Variants in MAP7D1 observed in about 807,000 individuals in gnomAD.
MAP7D1 encodes the protein MAP7 domain-containing protein 1.
A neutral mutation model predicts 97.5 loss-of-function variants in MAP7D1; 30 were observed. The observed-to-expected ratio is 0.31, with a 90% confidence interval of 0.23 to 0.42. The LOEUF (loss-of-function observed/expected upper bound fraction) is 0.42, where lower values mean the gene tolerates loss of function less well. Among genes scored for constraint, MAP7D1 ranks in the 10% least tolerant of loss-of-function variants. The pLI is 1.00. For missense variants in MAP7D1, 1,184 were observed against 1,179.5 expected (o/e 1.00, Z -0.06); for synonymous variants, 536 against 477.1 (o/e 1.12, Z -1.61).
At chr1:36,175,651 C>G (rs943230387) in intron 6 of MAP7D1, among the ~76,000 whole-genome samples, 2 of 152,192 alleles carry the variant, frequency 1.3e-5, no homozygotes, top group Non-Finnish European at 2.9e-5. Context: ...AGCTGCTGTA[C>G]CAACCCCACC....
At position 36,179,986 on chromosome 1, in the gene MAP7D1, C is replaced by G. The variant is rs1336578876; in HGVS notation, c.2431C>G (p.Arg811Gly). ...NGPSGDKSLSRTPETLLPFAE... is the reference protein window; with the variant it reads ...NGPSGDKSLSGTPETLLPFAE... ...ACCCTCTGGGGACAAGAGTCTGAGC[C>G]GAACACCAGAGACACTCCTGCCCTT... is the stretch of plus-strand genomic sequence containing the variant. Residue 811 changes from arginine (R) to glycine (G), a missense_variant, in exon 16 of 17, where the codon CGA becomes GGA. Transcript: ENST00000474796. 1 of 1,614,080 alleles carries G rather than the reference C, an allele frequency of 6.2e-7. No homozygotes were observed. Among genetic ancestry groups the G allele is most frequent in the East Asian group, 2.2e-5 (1 of 44,900 alleles).
rs1644702263 is a variant in MAP7D1, at chr1:36,180,498, A to G, written c.*240A>G. ...GACATCCCTTCTCCCCCATACACAC[A>G]TATACACTCACAGCCTCTCTGGCCT... On this transcript the variant is annotated 3_prime_UTR_variant, in exon 17 of 17. Coordinates refer to ENST00000474796, the MANE Select transcript of MAP7D1 (RefSeq NM_001388490.1). 5.2e-6 allele frequency: 3 copies of G among 581,744 alleles called. No individual in the cohort carries two copies. The Admixed American group carries it at 9.0e-5, about 17-fold the overall frequency. The allele number at this position is 581,744 out of a possible 1,614,324, so 36.0% of individuals were successfully genotyped here. A position where few individuals can be genotyped will look rare whatever the true frequency, so the allele number is the denominator to read the frequency against.
Position 36,159,035 on chromosome 1 carries a change from GTTATTTATTTAT to G in MAP7D1, c.46+2599_46+2610del, listed in dbSNP as rs34482844. On this transcript the variant is annotated intron_variant, in intron 1 of 16. Transcript: ENST00000474796. The surrounding 1 kb of genome is among the most constrained non-coding windows in gnomAD (Gnocchi z 5.4). ...AGTGCCCAATAAGTGCTAGCCATTTGTTATTTATTTATTTATTTATTTATTTATTTATTTATT... is the reference window on the plus strand; with the variant it reads ...AGTGCCCAATAAGTGCTAGCCATTTGTTATTTATTTATTTATTTATTTATT... Among the ~76,000 whole-genome samples the G allele has an allele frequency of 5.1e-4, 74 of 145,994 alleles. 1 individual carries two copies. The Middle Eastern group carries it at 0.017, about 34-fold the overall frequency.
At chr1:36,170,143 A>G (rs1196292855) in intron 1 of MAP7D1, among the ~76,000 whole-genome samples, 1 of 152,178 alleles carries the variant, frequency 6.6e-6, no homozygotes, top group African/African-American at 2.4e-5. Flanking sequence ...CTCTCTTCCC[A>G]TCTTCCTCAT....
In MAP7D1 at chr1:36,178,458, C is replaced by T; in HGVS notation, c.1748C>T (p.Pro583Leu). The change falls in exon 10 of 17, where the codon CCG (proline) becomes CTG (leucine). Residue 583 changes from proline to leucine, a missense_variant. By Grantham distance (98) the Pro-to-Leu change is moderately conservative. Coordinates refer to ENST00000474796, the MANE Select transcript of MAP7D1 (RefSeq NM_001388490.1). ...VLTSPPAPAP[P>L]VTPSKPMAGT... ...ACCTCACCCCCAGCCCCTGCTCCCCCGGTGACCCCTAGCAAACCAATGGCC... is the reference window on the plus strand; with the variant it reads ...ACCTCACCCCCAGCCCCTGCTCCCCTGGTGACCCCTAGCAAACCAATGGCC... 1.2e-6 allele frequency: 2 copies of T among 1,611,640 alleles called. No homozygotes were observed. Among genetic ancestry groups the T allele is most frequent in the Non-Finnish European group, 1.7e-6 (2 of 1,179,510 alleles).
rs12566400 is a variant in MAP7D1, at chr1:36,163,065, G to A, written c.46+6602G>A. 0.014 allele frequency among the ~76,000 whole-genome samples: 2,170 copies of A among 152,210 alleles called. 108 individuals are homozygous for A. The East Asian group carries it at 0.17, about 12-fold the overall frequency. The stretch of plus-strand genomic sequence containing the variant: ...ACAAGAGTTGTTGGGGTGGGAGGAG[G>A]GAGAGACAAAAGGAAAGGACTGCCA... On this transcript the variant is annotated intron_variant, in intron 1 of 16. Transcript: ENST00000474796.
intron 1 of MAP7D1, among the ~76,000 whole-genome samples, chr1:36,158,693 C>T (rs1266439594): frequency 6.6e-6 from 1 of 152,158 alleles, no homozygotes; most frequent in Non-Finnish European, 1.5e-5. Flanking sequence ...ACACCAGACA[C>T]CTGCAATAAA....
chr1:36,161,639 G>A (rs150675125), intron 1 of MAP7D1, among the ~76,000 whole-genome samples: 66 of 152,264 alleles, frequency 4.3e-4, no homozygotes, highest in African/African-American at 1.3e-3. Context: ...CCTGTTAATC[G>A]GACTTTCTCT....
chr1:36,175,108 C>A, intron 6 of MAP7D1, 100 bp downstream of exon 6: 1 of 710,302 alleles, frequency 1.4e-6, no homozygotes, highest in Non-Finnish European at 2.2e-6. Context: ...GGAGCCCTCA[C>A]ATACTCCAGG....
intron 1 of MAP7D1, among the ~76,000 whole-genome samples, chr1:36,168,249 C>T (rs1223638287): frequency 2.0e-5 from 3 of 150,436 alleles, no homozygotes; most frequent in Non-Finnish European, 2.9e-5. Flanking sequence ...GAGCCGAGAT[C>T]GCACCACTGC....
At chr1:36,171,934 CAAAAA>C (rs10631607) in intron 3 of MAP7D1, 2 of 62,894 alleles carry the variant, frequency 3.2e-5, no homozygotes, top group Admixed American at 2.3e-4. Flanking sequence ...AACTCCGTCT[CAAAAA>C]AAAAAAAAAA....
Position 36,179,029 on chromosome 1 carries a change from T to TGCGGACCTGGGCGGGGATTTGTGG in MAP7D1, c.2130+9_2130+32dup. ...AGAGCGGCAAGAGCGCAGAAAGGTG[T>TGCGGACCTGGGCGGGGATTTGTGG]GCGGACCTGGGCGGGGATTTGTGGG... On this transcript the variant is annotated splice_donor_region_variant and intron_variant, in intron 12 of 16. Coordinates refer to ENST00000474796, the MANE Select transcript of MAP7D1 (RefSeq NM_001388490.1). The TGCGGACCTGGGCGGGGATTTGTGG allele has an allele frequency of 7.7e-7, 1 of 1,297,304 alleles. No homozygotes were observed. Among genetic ancestry groups the TGCGGACCTGGGCGGGGATTTGTGG allele is most frequent in the Non-Finnish European group, 1.0e-6 (1 of 985,468 alleles). The allele number at this position is 1,297,304 out of a possible 1,614,324, so 80.4% of individuals were successfully genotyped here. A position where few individuals can be genotyped will look rare whatever the true frequency, so the allele number is the denominator to read the frequency against.
Position 36,156,409 on chromosome 1 carries a change from G to A in MAP7D1, c.-9G>A. The A allele has an allele frequency of 1.3e-6, 2 of 1,486,224 alleles. No homozygotes were observed. Among genetic ancestry groups the A allele is most frequent in the African/African-American group, 1.5e-5 (1 of 68,486 alleles). 92.1% of individuals were successfully genotyped at this position (1,486,224 alleles called of 1,614,324 possible). ...CTGAGACCCCGAGACCCCCAGTGAC[G>A]CCGCAGCCATGGAGAGCGGCCCGCG... On this transcript the variant is annotated 5_prime_UTR_variant, in exon 1 of 17. Coordinates refer to ENST00000474796, the MANE Select transcript of MAP7D1 (RefSeq NM_001388490.1).
In MAP7D1 at chr1:36,159,381, T is replaced by C. The variant is rs930076076; in HGVS notation, c.46+2918T>C. 6.6e-6 allele frequency among the ~76,000 whole-genome samples: 1 copy of C among 152,200 alleles called. No homozygotes were observed. The highest frequency in any genetic ancestry group is 2.4e-5 in the African/African-American group (1 of 41,434). On this transcript the variant is annotated intron_variant, in intron 1 of 16. Transcript: ENST00000474796. This position sits in a 1 kb window ranked among gnomAD's most constrained non-coding sequence, Gnocchi z 5.4. ...TAGCTATTTGTTTTTTGTCATTATT[T>C]TTAATTCCGTCAGAAGCCTGAGATG...
Position 36,179,333 on chromosome 1 carries a change from G to A in MAP7D1, c.2184+18G>A. ...AAACCAAGGTCAGAATTCCCCCGAA[G>A]GGCAGTGCTGGGCGTGGGGGGCAGG... is the stretch of plus-strand genomic sequence containing the variant. On this transcript the variant is annotated intron_variant, in intron 13 of 16. Coordinates refer to ENST00000474796, the MANE Select transcript of MAP7D1 (RefSeq NM_001388490.1). 1 of 1,613,872 alleles carries A rather than the reference G, an allele frequency of 6.2e-7. No individual in the cohort carries two copies. Among genetic ancestry groups the A allele is most frequent in the Non-Finnish European group, 8.5e-7 (1 of 1,179,862 alleles).
At chr1:36,173,267 T>G in intron 4 of MAP7D1, 97 bp from the exon 5 acceptor site, 1 of 834,284 alleles carries the variant, frequency 1.2e-6, no homozygotes, top group Non-Finnish European at 2.0e-6. Context: ...GGGAAGGGAG[T>G]GGGGGAGGCA....
rs773554513 is a variant in MAP7D1, at chr1:36,171,228, G to C, written c.304G>C (p.Gly102Arg). ...KSRGPTPPAM[G>R]PRDARPPRRS... ...CAGAGGACCCACCCCACCAGCCATG[G>C]GCCCACGGGATGCCAGACCTCCTCG... is the stretch of plus-strand genomic sequence containing the variant. The change falls in exon 2 of 17, where the codon GGC becomes CGC. Residue 102 changes from glycine to arginine, a missense_variant. Transcript: ENST00000474796. 1.9e-6 allele frequency: 3 copies of C among 1,611,250 alleles called. No individual in the cohort carries two copies. In the East Asian group the frequency reaches 6.7e-5, roughly 36 times the overall value.
At position 36,171,170 on chromosome 1, in the gene MAP7D1, G is replaced by T. The variant is rs200123517; in HGVS notation, c.246G>T (p.Pro82=). The T allele has an allele frequency of 1.2e-6, 2 of 1,613,418 alleles. No homozygotes were observed. Among genetic ancestry groups the T allele is most frequent in the Non-Finnish European group, 1.7e-6 (2 of 1,179,782 alleles). The change falls in exon 2 of 17, where the codon CCG becomes CCT. Residue 82 remains proline, a synonymous_variant. Transcript: ENST00000474796. The stretch of plus-strand genomic sequence containing the variant: ...AGGTCGGGCCTAGGCCAGCCCCCCC[G>T]CAGGAAGAGTCCCCTTCCTCTGAAG... The part of the protein sequence containing the change: ...SGQVGPRPAP[P]QEESPSSEAK...
chr1:36,164,116 G>T (rs765139401), intron 1 of MAP7D1, among the ~76,000 whole-genome samples: 6 of 151,072 alleles, frequency 4.0e-5, no homozygotes, highest in Non-Finnish European at 8.9e-5. Flanking sequence ...GAGCCACTGC[G>T]CCCAGCCTAG....
Sources: allele counts gnomAD v4.1 joint callset (sites outside exome capture counted in the v4.1 genomes callset), GRCh38; gene constraint gnomAD v4.1.1; non-coding constraint Gnocchi (gnomAD v3.1); transcripts MANE v1.5; gene names NCBI Gene and HGNC (gene_info 2026-07-23, HGNC 2026-07-21).